PTGIR: variants seen among roughly 807,000 people sequenced by gnomAD.
The protein encoded by PTGIR is prostacyclin receptor.
In PTGIR, 16 loss-of-function variants were observed where a neutral mutation model predicts 17.6. That is an observed-to-expected ratio of 0.91 (90% CI 0.61 to 1.38). The LOEUF is 1.38. Among genes scored for constraint, PTGIR ranks in the 40% most tolerant of loss-of-function variants. The pLI is 0.00. For synonymous variants in PTGIR, 274 were observed against 255.4 expected (o/e 1.07, Z -0.69); for missense variants, 532 against 548.6 (o/e 0.97, Z 0.30).
the PTGIR span, among the ~76,000 whole-genome samples, chr19:46,615,332 A>G: frequency 6.6e-6 from 1 of 152,252 alleles, no homozygotes; most frequent in African/African-American, 2.4e-5. Context: ...TAGGTTATAT[A>G]CAAATATGAC....
downstream of PTGIR, among the ~76,000 whole-genome samples, chr19:46,619,739 T>C (rs1972032409): frequency 6.6e-6 from 1 of 152,178 alleles, no homozygotes; most frequent in Admixed American, 6.5e-5. Flanking sequence ...CTCGAAGAGT[T>C]GGCTGCTGTT....
chr19:46,614,135 G>A, the PTGIR span, among the ~76,000 whole-genome samples: 4 of 152,308 alleles, frequency 2.6e-5, no homozygotes, highest in African/African-American at 9.6e-5. Flanking sequence ...AGCCTCGCAG[G>A]TCTACCAGAC....
In PTGIR at chr19:46,623,546, C is replaced by T. The variant is rs1265751085; in HGVS notation, c.680G>A (p.Arg227Gln). The change falls in exon 2 of 3, where the codon CGG becomes CAG. Residue 227 changes from arginine (R) to glutamine (Q), a missense_variant. Coordinates refer to ENST00000291294, the MANE Select transcript of PTGIR (RefSeq NM_000960.4). ...QKRHQGSLGP[R>Q]PRTGEDEVDH... ...CACCTCGTCCTCTCCGGTGCGCGGC[C>T]GTGGACCCAGAGAGCCCTGGTGGCG... 2.0e-5 allele frequency: 31 copies of T among 1,557,770 alleles called. No homozygotes were observed. Among genetic ancestry groups the T allele is most frequent in the South Asian group, 1.7e-4 (14 of 84,524 alleles).
intron 2 of PTGIR, 44 bp downstream of exon 2, chr19:46,623,414 C>T (rs1254941333): frequency 6.8e-7 from 1 of 1,476,672 alleles, no homozygotes; most frequent in South Asian, 1.4e-5. Context: ...CACAGAGCTG[C>T]CCTCCTCCTC....
chr19:46,618,546 G>T (rs1052246388), downstream of PTGIR, among the ~76,000 whole-genome samples: 1 of 152,146 alleles, frequency 6.6e-6, no homozygotes, highest in Non-Finnish European at 1.5e-5. Flanking sequence ...GGATCCTCCC[G>T]CCTCAGCCTC....
chr19:46,624,359 T>A, intron 1 of PTGIR, 122 bp from the exon 2 acceptor site: 1 of 896,356 alleles, frequency 1.1e-6, no homozygotes, highest in Non-Finnish European at 1.6e-6. Context: ...AACCCCCAGT[T>A]CTCCTGTGTG....
the PTGIR span, among the ~76,000 whole-genome samples, chr19:46,613,338 G>C: frequency 7.2e-6 from 1 of 138,004 alleles, no homozygotes; most frequent in African/African-American, 2.8e-5. Flanking sequence ...CTCTCTTTTC[G>C]CCTCCCCCTA....
At position 46,623,535 on chromosome 19, in the gene PTGIR, C is replaced by T. The variant is rs144910793; in HGVS notation, c.691G>A (p.Gly231Arg). 1,381 of 1,561,970 alleles carry T rather than the reference C, an allele frequency of 8.8e-4. 8 individuals carry two copies. In the African/African-American group the frequency reaches 0.017, roughly 19 times the overall value. The change falls in exon 2 of 3, where the codon GGA becomes AGA. Residue 231 changes from glycine (G) to arginine (R), a missense_variant. By Grantham distance (125) the Gly-to-Arg change is moderately radical. Coordinates refer to ENST00000291294, the MANE Select transcript of PTGIR (RefSeq NM_000960.4). ...ATCAGGTGGTCCACCTCGTCCTCTC[C>T]GGTGCGCGGCCGTGGACCCAGAGAG... ...QGSLGPRPRT[G>R]EDEVDHLILL... is the part of the protein sequence containing the mutation.
At chr19:46,624,699 T>A (rs1251701762) in intron 1 of PTGIR, 1 of 153,232 alleles carries the variant, frequency 6.5e-6, no homozygotes, top group African/African-American at 2.4e-5. Flanking sequence ...AGGTGATCCA[T>A]CCACCTTGGC....
the PTGIR span, chr19:46,614,536 GC>G: frequency 1.7e-6 from 1 of 586,344 alleles, no homozygotes; most frequent in Admixed American, 6.4e-5. Flanking sequence ...GGCGCCTAGA[GC>G]AGTCAGCCTC....
chr19:46,621,937 C>A lies in PTGIR; in HGVS notation c.769-265G>T. ...CTTGGAAGCTGGGAGGACCCTCGGGCTCCACAGATTTTTGAGTATAACGTC... is the reference window on the plus strand; with the variant it reads ...CTTGGAAGCTGGGAGGACCCTCGGGATCCACAGATTTTTGAGTATAACGTC... On this transcript the variant is annotated intron_variant, in intron 2 of 2. Coordinates refer to ENST00000291294, the MANE Select transcript of PTGIR (RefSeq NM_000960.4). The surrounding 1 kb of genome is among the most constrained non-coding windows in gnomAD (Gnocchi z 4.8). 2.4e-6 allele frequency: 3 copies of A among 1,266,266 alleles called. No homozygotes were observed. The highest frequency in any genetic ancestry group is 3.0e-6 in the Non-Finnish European group (3 of 1,004,940). 78.4% of individuals were successfully genotyped at this position (1,266,266 alleles called of 1,614,324 possible). A position where few individuals can be genotyped will look rare whatever the true frequency, so the allele number is the denominator to read the frequency against.
At chr19:46,611,932 C>A in the PTGIR span, among the ~76,000 whole-genome samples, 1 of 152,268 alleles carries the variant, frequency 6.6e-6, no homozygotes, top group South Asian at 2.1e-4. Flanking sequence ...CTCATCTGCA[C>A]TTGGCCTCAG....
downstream of PTGIR, among the ~76,000 whole-genome samples, chr19:46,620,207 C>T (rs1438219497): frequency 6.6e-6 from 1 of 152,198 alleles, no homozygotes; most frequent in Non-Finnish European, 1.5e-5. Flanking sequence ...TCAGGTGATC[C>T]TCTTGTCTCA....
At position 46,621,531 on chromosome 19, in the gene PTGIR, T is replaced by TG. The variant is rs746247752; in HGVS notation, c.909dup (p.Lys304GlnfsTer282). 2.5e-6 allele frequency: 4 copies of TG among 1,613,854 alleles called. No individual in the cohort carries two copies. The African/African-American group carries it at 5.3e-5, about 22-fold the overall frequency. ...AGGCACAGGCAGCAGACCCAGAGCT[T>TG]GAGTCGCTGGAAGACAGCCTTGCGG... On this transcript the variant is annotated frameshift_variant, in exon 3 of 3. Coordinates refer to ENST00000291294, the MANE Select transcript of PTGIR (RefSeq NM_000960.4). LOFTEE classifies it low-confidence loss of function (END_TRUNC). This position sits in a 1 kb window ranked among gnomAD's most constrained non-coding sequence, Gnocchi z 4.8.
the PTGIR span, among the ~76,000 whole-genome samples, chr19:46,612,867 G>C: frequency 2.0e-5 from 3 of 152,060 alleles, no homozygotes; most frequent in Admixed American, 6.6e-5. Flanking sequence ...GTGAGTCTTC[G>C]TGCTCACTAA....
At chr19:46,622,093 C>A (rs1230850093) in intron 2 of PTGIR, 3 of 985,388 alleles carry the variant, frequency 3.0e-6, no homozygotes, top group Middle Eastern at 5.2e-4. Context: ...ATTTAAGGAC[C>A]CCCCAATCCG....
chr19:46,618,134 C>T (rs376506259), downstream of PTGIR, among the ~76,000 whole-genome samples: 7 of 151,972 alleles, frequency 4.6e-5, 1 homozygote, highest in African/African-American at 1.7e-4. Flanking sequence ...CCTGCCTCAG[C>T]CTCCCGAGTA....
In PTGIR at chr19:46,621,884, G is replaced by A. The variant is rs1292827661; in HGVS notation, c.769-212C>T. 2.2e-6 allele frequency: 3 copies of A among 1,346,412 alleles called. No homozygotes were observed. Among genetic ancestry groups the A allele is most frequent in the Admixed American group, 3.3e-5 (1 of 30,300 alleles). 83.4% of individuals were successfully genotyped at this position (1,346,412 alleles called of 1,614,324 possible). On this transcript the variant is annotated intron_variant, in intron 2 of 2. Coordinates refer to ENST00000291294, the MANE Select transcript of PTGIR (RefSeq NM_000960.4). The surrounding 1 kb of genome is among the most constrained non-coding windows in gnomAD (Gnocchi z 4.8). ...CAGAGATGCCTAAGGGGAGAGGGAT[G>A]GGGGCCAGGTATGTGGGTCCCCCCA...
rs117339508 is a variant in PTGIR, at chr19:46,622,369, C to T, written c.769-697G>A. ...TGGCTCTGTGTGACTGGGCGAAAGA[C>T]ACTGCCCCTCATCTGTAAAAACGGG... On this transcript the variant is annotated intron_variant, in intron 2 of 2. Coordinates refer to ENST00000291294, the MANE Select transcript of PTGIR (RefSeq NM_000960.4). 2.6e-3 allele frequency: 2,559 copies of T among 985,416 alleles called. 81 individuals carry two copies. In the Admixed American group the frequency reaches 0.064, roughly 25 times the overall value. 61.0% of individuals were successfully genotyped at this position (985,416 alleles called of 1,614,324 possible).
Sources: gnomAD v4.1 joint callset for allele counts (sites outside exome capture counted in the v4.1 genomes callset) on GRCh38, gnomAD v4.1.1 for gene constraint, Gnocchi (gnomAD v3.1) non-coding constraint, MANE v1.5 for transcripts, NCBI Gene and HGNC (gene_info 2026-07-23, HGNC 2026-07-21) for gene names.